OSBP2: variants seen among roughly 807,000 people sequenced by gnomAD.
OSBP2 encodes the protein oxysterol binding protein 2.
A neutral mutation model predicts 96.0 loss-of-function variants in OSBP2; 66 were observed. The observed-to-expected ratio is 0.69, with a 90% CI of 0.56 to 0.84. The LOEUF (loss-of-function observed/expected upper bound fraction) is 0.84. Among genes scored for constraint, OSBP2 ranks in the 40% least tolerant of loss-of-function variants. The pLI is 0.00. For synonymous variants in OSBP2, 525 were observed against 520.9 expected, an observed-to-expected ratio of 1.01 and a Z score of -0.11; for missense variants, 1,038 against 1,222.7, an observed-to-expected ratio of 0.85 and a Z score of 2.25.
At chr22:30,863,092 AAACCACCC>A (rs2039255893) in intron 2 of OSBP2, among the ~76,000 whole-genome samples, 1 of 152,280 alleles carries the variant, frequency 6.6e-6, no homozygotes, top group Admixed American at 6.5e-5. Flanking sequence ...TAACATGTGG[AAACCACCC>A]AACAGCTGGA....
At chr22:30,863,861 C>T (rs778607728) in intron 2 of OSBP2, among the ~76,000 whole-genome samples, 4 of 152,106 alleles carry the variant, frequency 2.6e-5, no homozygotes, top group Non-Finnish European at 4.4e-5. Context: ...TGGGGAGCAG[C>T]GCGAGGCTTC....
intron 2 of OSBP2, among the ~76,000 whole-genome samples, chr22:30,793,261 G>A (rs557537169): frequency 2.0e-5 from 3 of 151,940 alleles, no homozygotes; most frequent in Non-Finnish European, 4.4e-5. Flanking sequence ...GTGGTGGCAG[G>A]TGCCTGTAAT....
intron 1 of OSBP2, among the ~76,000 whole-genome samples, chr22:30,724,375 ACC>A (rs2089606682): frequency 1.3e-5 from 2 of 152,040 alleles, no homozygotes; most frequent in South Asian, 4.2e-4. Context: ...TTGCCACCAC[ACC>A]CGGCTAGTTT....
chr22:30,735,841 GC>G, intron 1 of OSBP2, among the ~76,000 whole-genome samples: 1 of 152,078 alleles, frequency 6.6e-6, no homozygotes, highest in East Asian at 1.9e-4. Context: ...TTGTGCCTCA[GC>G]CTCCCGAGTA....
At chr22:30,706,924 C>T (rs541710153) in intron 1 of OSBP2, among the ~76,000 whole-genome samples, 1 of 152,176 alleles carries the variant, frequency 6.6e-6, no homozygotes, top group African/African-American at 2.4e-5. Context: ...TTCTGGATGC[C>T]TTTTTGTGTA....
chr22:30,778,605 G>A (rs995031685), intron 2 of OSBP2, among the ~76,000 whole-genome samples: 2 of 152,068 alleles, frequency 1.3e-5, no homozygotes, highest in African/African-American at 2.4e-5. Flanking sequence ...ATTGGGTAGT[G>A]GATGTGAATG....
chr22:30,848,453 T>C (rs879121102), intron 2 of OSBP2, among the ~76,000 whole-genome samples: 10 of 152,212 alleles, frequency 6.6e-5, no homozygotes, highest in Admixed American at 6.5e-4. Flanking sequence ...TATTATTGAA[T>C]TTAAATGCAA....
chr22:30,829,166 C>G (rs2038467895), intron 2 of OSBP2, among the ~76,000 whole-genome samples: 1 of 152,172 alleles, frequency 6.6e-6, no homozygotes, highest in Non-Finnish European at 1.5e-5. Context: ...AGCGTGCTCT[C>G]CAGGGAGCTG....
chr22:30,784,974 A>C (rs1225309628), intron 2 of OSBP2, among the ~76,000 whole-genome samples: 1 of 152,030 alleles, frequency 6.6e-6, no homozygotes, highest in African/African-American at 2.4e-5. Flanking sequence ...AGGTTTCACC[A>C]CGTAGGCCAG....
At chr22:30,730,092 A>G (rs747816449) in intron 1 of OSBP2, among the ~76,000 whole-genome samples, 3 of 151,938 alleles carry the variant, frequency 2.0e-5, no homozygotes, top group Non-Finnish European at 4.4e-5. Flanking sequence ...CCTTCCAAGT[A>G]GCTGGGACTA....
In OSBP2 at chr22:30,888,236, T is replaced by C. The variant is rs566695358; in HGVS notation, c.1314T>C (p.Thr438=). 1.3e-5 allele frequency: 21 copies of C among 1,609,720 alleles called. 1 individual carries two copies. In the South Asian group the frequency reaches 2.2e-4, roughly 17 times the overall value. ...CTGTGTCTCTAGGAAGCCTCTTGAC[T>C]CCCAAAGGAGAGGACAGTGAGGAAG... ...SKSFIEGSLL[T]PKGEDSEEDE... is the part of the protein sequence containing the mutation. The change falls in exon 5 of 14, where the codon ACT becomes ACC. Residue 438 remains threonine (T), a synonymous_variant. Coordinates refer to ENST00000332585, the MANE Select transcript of OSBP2 (RefSeq NM_030758.4).
At chr22:30,903,959 G>A (rs1456285795) in intron 12 of OSBP2, among the ~76,000 whole-genome samples, 1 of 152,246 alleles carries the variant, frequency 6.6e-6, no homozygotes, top group Non-Finnish European at 1.5e-5. Flanking sequence ...GTCTAGGTCT[G>A]AGGCTGCATC....
At position 30,881,814 on chromosome 22, in the gene OSBP2, C is replaced by A; in HGVS notation, c.1108-5612C>A. 2 of 1,303,980 alleles carry A rather than the reference C, an allele frequency of 1.5e-6. No homozygotes were observed. Among genetic ancestry groups the A allele is most frequent in the Non-Finnish European group, 2.0e-6 (2 of 988,866 alleles). The allele number at this position is 1,303,980 out of a possible 1,614,324, so 80.8% of individuals were successfully genotyped here. ...GGGATGGACACCAGGTGGGTGCATC[C>A]GGGCTGGGGGAGGTGGACGGGCTCT... On this transcript the variant is annotated intron_variant, in intron 3 of 13. Transcript: ENST00000332585. The surrounding 1 kb of genome is among the most constrained non-coding windows in gnomAD (Gnocchi z 4.5).
intron 2 of OSBP2, among the ~76,000 whole-genome samples, chr22:30,867,952 G>A (rs1569157416): frequency 6.6e-6 from 1 of 152,254 alleles, no homozygotes; most frequent in Non-Finnish European, 1.5e-5. Context: ...GTTATTAGAT[G>A]TACTGAACCT....
At chr22:30,700,964 G>C (rs1053274301) in intron 1 of OSBP2, among the ~76,000 whole-genome samples, 1 of 151,844 alleles carries the variant, frequency 6.6e-6, no homozygotes, top group South Asian at 2.1e-4. Context: ...GCGTGGTGAC[G>C]CATGCCTATA....
At chr22:30,713,040 G>A (rs1186308639) in intron 1 of OSBP2, among the ~76,000 whole-genome samples, 3 of 151,272 alleles carry the variant, frequency 2.0e-5, no homozygotes, top group African/African-American at 7.3e-5. Context: ...AGCCTCCAGA[G>A]TAGCTGGGAC....
chr22:30,791,964 T>C (rs2090681941), intron 2 of OSBP2, among the ~76,000 whole-genome samples: 1 of 152,098 alleles, frequency 6.6e-6, no homozygotes, highest in South Asian at 2.1e-4. Flanking sequence ...GAGATTATGA[T>C]AAAATATCAT....
intron 1 of OSBP2, among the ~76,000 whole-genome samples, chr22:30,740,909 C>G (rs1262909240): frequency 2.0e-5 from 3 of 152,210 alleles, no homozygotes; most frequent in Non-Finnish European, 4.4e-5. Context: ...ACCAGACACT[C>G]CCTGCACACG....
chr22:30,801,334 AT>A (rs1230234811), intron 2 of OSBP2, among the ~76,000 whole-genome samples: 2 of 152,162 alleles, frequency 1.3e-5, no homozygotes, highest in Non-Finnish European at 2.9e-5. Flanking sequence ...GGTTTTGTTT[AT>A]TTTTTTAAGG....
Sources: gnomAD v4.1 joint callset for allele counts (sites outside exome capture counted in the v4.1 genomes callset) on GRCh38, gnomAD v4.1.1 for gene constraint, Gnocchi (gnomAD v3.1) non-coding constraint, MANE v1.5 for transcripts, NCBI Gene and HGNC (gene_info 2026-07-23, HGNC 2026-07-21) for gene names.